Variants in C2 observed in about 807,000 individuals in gnomAD.
C2 encodes the protein C3/C5 convertase.
A neutral mutation model predicts 85.2 loss-of-function variants in C2; 64 were observed. The ratio of observed to expected loss-of-function variants is 0.75; its 90% CI spans 0.61 to 0.92. The LOEUF (loss-of-function observed/expected upper bound fraction) is 0.92. C2 is among the 40% of genes least tolerant of loss of function. C2 has a pLI of 0.00. For missense variants in C2, 820 were observed against 971.6 expected, an observed-to-expected ratio of 0.84 and a Z score of 2.07; for synonymous variants, 311 against 370.8, an observed-to-expected ratio of 0.84 and a Z score of 1.85.
Position 31,937,413 on chromosome 6 carries a change from G to C in C2, c.1083G>C (p.Thr361=). The change falls in exon 8 of 18, where the codon ACG becomes ACC. Residue 361 remains threonine, a synonymous_variant. Transcript: ENST00000299367. ...NNQMRLLGME[T]MAWQEIRHAI... is the part of the protein sequence containing the mutation. ...AAATGCGACTCCTCGGCATGGAAACGATGGCCTGGCAGGAAATCCGACATG... is the reference window on the plus strand; with the variant it reads ...AAATGCGACTCCTCGGCATGGAAACCATGGCCTGGCAGGAAATCCGACATG... 6.2e-7 allele frequency: 1 copy of C among 1,612,772 alleles called. No individual in the cohort carries two copies. Among genetic ancestry groups the C allele is most frequent in the Non-Finnish European group, 8.5e-7 (1 of 1,179,994 alleles).
chr6:31,903,395 C>T (rs572014752), intron 1 of C2, among the ~76,000 whole-genome samples: 222 of 152,110 alleles, frequency 1.5e-3, no homozygotes, highest in Middle Eastern at 3.4e-3. Flanking sequence ...TGTGGGAGGC[C>T]GAGGCAGGTG....
chr6:31,943,587 C>T lies in C2; in HGVS notation c.1568-57C>T. 6.2e-7 allele frequency: 1 copy of T among 1,609,024 alleles called. No homozygotes were observed. Among genetic ancestry groups the T allele is most frequent in the South Asian group, 1.1e-5 (1 of 91,010 alleles). ...AAGCCACAGATCCTACCACCTCACC[C>T]AGCCTCTGGCCCCTGCAGGAGCCCT... On this transcript the variant is annotated intron_variant, in intron 12 of 17. Transcript: ENST00000299367. The surrounding 1 kb of genome is among the most constrained non-coding windows in gnomAD (Gnocchi z 6.4).
upstream of C2, chr6:31,900,667 C>T (rs754753925): frequency 6.2e-7 from 1 of 1,612,584 alleles, no homozygotes; most frequent in Admixed American, 1.7e-5. This position sits in a 1 kb window ranked among gnomAD's most constrained non-coding sequence, Gnocchi z 9.7. Context: ...GGGCCGACTC[C>T]ACCTTGACGA....
chr6:31,943,738 C>A lies in C2; in HGVS notation c.1662C>A (p.Ile554=). The A allele has an allele frequency of 6.2e-7, 1 of 1,613,072 alleles. No homozygotes were observed. Among genetic ancestry groups the A allele is most frequent in the Non-Finnish European group, 8.5e-7 (1 of 1,180,008 alleles). Reference sequence around the variant, plus strand: ...TCTTTGCCAAAAAGAACCAGGGAATCCTGGAGTTCTATGGTGATGACATAG... The same window carrying A: ...TCTTTGCCAAAAAGAACCAGGGAATACTGGAGTTCTATGGTGATGACATAG... ...FDVFAKKNQG[I]LEFYGDDIAL... Residue 554 remains isoleucine, a synonymous_variant, in exon 13 of 18, where the codon ATC becomes ATA. Coordinates refer to ENST00000299367, the MANE Select transcript of C2 (RefSeq NM_000063.6). This position sits in a 1 kb window ranked among gnomAD's most constrained non-coding sequence, Gnocchi z 6.4.
At chr6:31,936,302 A>T (rs1425549990) in intron 7 of C2, 1 of 538,428 alleles carries the variant, frequency 1.9e-6, no homozygotes, top group Non-Finnish European at 3.4e-6. Context: ...AATTCCTTCC[A>T]GTTGCCAAAA....
upstream of C2, chr6:31,900,578 A>G (rs778367319): frequency 1.9e-6 from 3 of 1,612,244 alleles, no homozygotes; most frequent in South Asian, 3.3e-5. The surrounding 1 kb of genome is among the most constrained non-coding windows in gnomAD (Gnocchi z 9.7). Flanking sequence ...CAGCTCCCCA[A>G]GGTGGCCACC....
chr6:31,933,325 C>T (rs1770081673), intron 3 of C2, among the ~76,000 whole-genome samples: 1 of 152,230 alleles, frequency 6.6e-6, no homozygotes, highest in Non-Finnish European at 1.5e-5. Context: ...GTGCCAGTCG[C>T]TCTGCATCCT....
rs993980832 is a variant in C2, at chr6:31,938,394, A to T, written c.1130-837A>T. ...TTAAATGAGTTAAAGTATAGGAAGC[A>T]CCTGGCCTGGTGCCTGGAATGTAGA... On this transcript the variant is annotated intron_variant, in intron 8 of 17. Transcript: ENST00000299367. Among the ~76,000 whole-genome samples, 10 of 151,550 alleles carry T rather than the reference A, an allele frequency of 6.6e-5. No homozygotes were observed. The East Asian group carries it at 1.7e-3, about 26-fold the overall frequency.
At chr6:31,900,431 G>C (rs1345811843), upstream of C2, 1 of 1,549,510 alleles carries the variant, frequency 6.5e-7, no homozygotes, top group African/African-American at 1.4e-5. This position sits in a 1 kb window ranked among gnomAD's most constrained non-coding sequence, Gnocchi z 9.7. Flanking sequence ...CACCAGGCCC[G>C]AGGTGGCCCC....
intron 3 of C2, among the ~76,000 whole-genome samples, chr6:31,931,911 TC>T (rs1769803243): frequency 1.3e-5 from 1 of 74,126 alleles, no homozygotes; most frequent in African/African-American, 3.7e-5. Flanking sequence ...CCCACCTCCC[TC>T]CCGGACGGCG....
chr6:31,943,972 G>A lies in C2; in HGVS notation c.1789G>A (p.Gly597Ser). 1 of 1,613,014 alleles carries A rather than the reference G, an allele frequency of 6.2e-7. No individual in the cohort carries two copies. Among genetic ancestry groups the A allele is most frequent in the Non-Finnish European group, 8.5e-7 (1 of 1,180,028 alleles). The change falls in exon 14 of 18, where the codon GGC becomes AGC. Residue 597 changes from glycine (G) to serine (S), a missense_variant. Transcript: ENST00000299367. This position sits in a 1 kb window ranked among gnomAD's most constrained non-coding sequence, Gnocchi z 6.4. ...EANLALRRPQ[G>S]STCRDHENEL... Reference sequence around the variant, plus strand: ...CAATCTGGCTCTGCGGAGACCTCAAGGCAGCACCTGTAGGGACCATGGTGA... The same window carrying A: ...CAATCTGGCTCTGCGGAGACCTCAAAGCAGCACCTGTAGGGACCATGGTGA...
At chr6:31,907,928 C>G (rs1201635879) in intron 1 of C2, among the ~76,000 whole-genome samples, 3 of 142,480 alleles carry the variant, frequency 2.1e-5, no homozygotes, top group Admixed American at 7.6e-5. Flanking sequence ...CTCACTGCAA[C>G]CTCTGCTTCC....
intron 1 of C2, among the ~76,000 whole-genome samples, chr6:31,909,055 G>T (rs936749537): frequency 6.6e-6 from 1 of 151,794 alleles, no homozygotes; most frequent in South Asian, 2.1e-4. Flanking sequence ...AGGTTTTCCC[G>T]GACAGTTTAG....
Position 31,944,077 on chromosome 6 carries a change from A to G in C2, c.1811-58A>G. On this transcript the variant is annotated intron_variant, in intron 14 of 17. Transcript: ENST00000299367. The surrounding 1 kb of genome is among the most constrained non-coding windows in gnomAD (Gnocchi z 5.1). The stretch of plus-strand genomic sequence containing the variant: ...AGGACTAGGCTGCAGTCCCCAAGCC[A>G]GGAACCTGGATTCTGGGTAAAAGGA... 1 of 1,592,622 alleles carries G rather than the reference A, an allele frequency of 6.3e-7. No homozygotes were observed. Among genetic ancestry groups the G allele is most frequent in the Non-Finnish European group, 8.6e-7 (1 of 1,161,382 alleles).
chr6:31,923,488 A>AT (rs367914510), upstream of C2, among the ~76,000 whole-genome samples: 51 of 148,206 alleles, frequency 3.4e-4, 1 homozygote, highest in East Asian at 2.4e-3. Flanking sequence ...TTTTGTTTTT[A>AT]TTTTTTTTTT....
At chr6:31,925,267 T>C (rs548167520), upstream of C2, among the ~76,000 whole-genome samples, 11 of 152,288 alleles carry the variant, frequency 7.2e-5, no homozygotes, top group East Asian at 1.9e-3. Context: ...ATATTACTTA[T>C]CCACTGAGAG....
intron 9 of C2, among the ~76,000 whole-genome samples, chr6:31,940,835 A>G (rs1008743571): frequency 3.3e-5 from 5 of 152,266 alleles, no homozygotes; most frequent in Non-Finnish European, 7.3e-5. Context: ...AACTGTTTCT[A>G]TCTGGGCCAT....
In C2 at chr6:31,944,203, A is replaced by G. The variant is rs1168327027; in HGVS notation, c.1879A>G (p.Ile627Val). The G allele has an allele frequency of 3.7e-6, 6 of 1,611,920 alleles. No individual in the cohort carries two copies. Among genetic ancestry groups the G allele is most frequent in the Non-Finnish European group, 4.2e-6 (5 of 1,179,002 alleles). ...FVALNGSKLN[I>V]NLKMGVEWTS... ...CGCCTTGAATGGGAGCAAACTGAAC[A>G]TTAACCTTAAGATGGGAGTGGAGGT... The change falls in exon 15 of 18, where the codon ATT becomes GTT. Residue 627 changes from isoleucine (I) to valine (V), a missense_variant. Ile to Val is a conservative substitution (Grantham distance 29). Transcript: ENST00000299367. This position sits in a 1 kb window ranked among gnomAD's most constrained non-coding sequence, Gnocchi z 5.1.
In C2 at chr6:31,943,612, T is replaced by C; in HGVS notation, c.1568-32T>C. On this transcript the variant is annotated intron_variant, in intron 12 of 17. Transcript: ENST00000299367. The surrounding 1 kb of genome is among the most constrained non-coding windows in gnomAD (Gnocchi z 6.4). The stretch of plus-strand genomic sequence containing the variant: ...CAGCCTCTGGCCCCTGCAGGAGCCC[T>C]GGTCTAGCCTAATCTAGTGTATCAT... 6.2e-7 allele frequency: 1 copy of C among 1,612,412 alleles called. No homozygotes were observed. Among genetic ancestry groups the C allele is most frequent in the South Asian group, 1.1e-5 (1 of 91,078 alleles).
Sources: allele counts gnomAD v4.1 joint callset (sites outside exome capture counted in the v4.1 genomes callset), GRCh38; gene constraint gnomAD v4.1.1; non-coding constraint Gnocchi (gnomAD v3.1); transcripts MANE v1.5; gene names NCBI Gene and HGNC (gene_info 2026-07-23, HGNC 2026-07-21).